Variants in WWOX observed in about 807,000 individuals in gnomAD.
WWOX encodes the protein WW domain-containing oxidoreductase.
Under a neutral mutation model 46.2 loss-of-function variants are expected in WWOX, and 69 were observed. The observed-to-expected ratio is 1.49, with a 90% CI of 1.23 to 1.82. The LOEUF is 1.82. Among genes scored for constraint, WWOX ranks in the 40% most tolerant of loss-of-function variants. The pLI, the probability that WWOX is intolerant of heterozygous loss-of-function variation, is 0.00. For missense variants in WWOX, 919 were observed against 542.6 expected (o/e 1.69, Z -6.89); for synonymous variants, 359 against 202.6 (o/e 1.77, Z -6.56).
At chr16:78,564,671 G>T (rs2044521940) in intron 8 of WWOX, among the ~76,000 whole-genome samples, 1 of 152,010 alleles carries the variant, frequency 6.6e-6, no homozygotes. Context: ...GGCCACTCGG[G>T]AGCTCAAAAA....
In WWOX at chr16:78,743,932, C is replaced by T. The variant is rs145096281; in HGVS notation, c.1056+311180C>T. Among the ~76,000 whole-genome samples the T allele has an allele frequency of 1.9e-3, 283 of 152,208 alleles. 1 individual carries two copies. Among genetic ancestry groups the T allele is most frequent in the African/African-American group, 6.3e-3 (260 of 41,524 alleles). The stretch of plus-strand genomic sequence containing the variant: ...CTTGAGCCTCTATGCTTGGGCTGCT[C>T]CCACCGTTTGGAGTGTACTTTCCTT... On this transcript the variant is annotated intron_variant, in intron 8 of 8. Transcript: ENST00000566780.
chr16:78,245,636 T>A (rs531013326), intron 5 of WWOX, among the ~76,000 whole-genome samples: 34 of 152,354 alleles, frequency 2.2e-4, no homozygotes, highest in African/African-American at 8.2e-4. Context: ...TCTGCCTCAC[T>A]AATGTGCATG....
intron 8 of WWOX, among the ~76,000 whole-genome samples, chr16:78,817,972 A>G (rs1464599310): frequency 3.3e-5 from 5 of 152,160 alleles, no homozygotes; most frequent in Non-Finnish European, 7.3e-5. Context: ...ATTAACACCT[A>G]TGGAAGGGAA....
At chr16:79,115,616 T>A (rs7191299) in intron 8 of WWOX, among the ~76,000 whole-genome samples, 21,711 of 152,126 alleles carry the variant, frequency 0.14, 3,179 homozygotes, top group African/African-American at 0.38. Context: ...AAGATCTAAG[T>A]GTGATATGAG....
chr16:78,626,170 G>C (rs946357108), intron 8 of WWOX, among the ~76,000 whole-genome samples: 3 of 150,184 alleles, frequency 2.0e-5, no homozygotes, highest in Non-Finnish European at 4.4e-5. Context: ...TGGCTCTTTT[G>C]CCCAGGATGG....
At chr16:78,843,756 A>G (rs929587275) in intron 8 of WWOX, among the ~76,000 whole-genome samples, 4 of 152,364 alleles carry the variant, frequency 2.6e-5, no homozygotes, top group South Asian at 2.1e-4. Context: ...TGTTGCATCA[A>G]ATATTTAGCC....
intron 8 of WWOX, among the ~76,000 whole-genome samples, chr16:79,145,563 C>A (rs778720100): frequency 6.6e-6 from 1 of 152,074 alleles, no homozygotes. Flanking sequence ...AGAAACTAGA[C>A]AAGAATATTC....
At chr16:78,182,805 G>A (rs2035571800) in intron 5 of WWOX, among the ~76,000 whole-genome samples, 1 of 151,940 alleles carries the variant, frequency 6.6e-6, no homozygotes, top group Admixed American at 6.6e-5. Context: ...ACAAAAATTA[G>A]CAGGGCATGG....
intron 8 of WWOX, among the ~76,000 whole-genome samples, chr16:79,042,887 A>C (rs928324231): frequency 6.6e-6 from 1 of 152,200 alleles, no homozygotes; most frequent in Non-Finnish European, 1.5e-5. Context: ...GCTTCTATTC[A>C]TGTGTCCCTG....
In WWOX at chr16:78,728,926, G is replaced by C. The variant is rs191435030; in HGVS notation, c.1056+296174G>C. Among the ~76,000 whole-genome samples, 157 of 152,270 alleles carry C rather than the reference G, an allele frequency of 1.0e-3. 1 individual carries two copies. The highest frequency in any genetic ancestry group is 3.7e-3 in the African/African-American group (152 of 41,562). On this transcript the variant is annotated intron_variant, in intron 8 of 8. Transcript: ENST00000566780. The stretch of plus-strand genomic sequence containing the variant: ...ATCACCTAATTTAGTCATTCCAACG[G>C]TGTGGAGAGATAGAGGATTAGGATG...
intron 8 of WWOX, among the ~76,000 whole-genome samples, chr16:79,089,577 G>T (rs924251144): frequency 6.6e-6 from 1 of 152,024 alleles, no homozygotes; most frequent in Non-Finnish European, 1.5e-5. Flanking sequence ...TGATCTGCCC[G>T]CCTCAAAGTC....
Position 78,113,691 on chromosome 16 carries a change from A to G in WWOX, c.231-1285A>G, listed in dbSNP as rs180972211. Among the ~76,000 whole-genome samples the G allele has an allele frequency of 2.2e-3, 329 of 152,320 alleles. 2 individuals carry two copies. The highest frequency in any genetic ancestry group is 7.7e-3 in the African/African-American group (320 of 41,558). On this transcript the variant is annotated intron_variant, in intron 3 of 8. Transcript: ENST00000566780. ...AAATACTTTGGCCATAGCTGATTTC[A>G]TGCTGCCAAGGTGAAGTGAGGAATT...
At position 78,585,687 on chromosome 16, in the gene WWOX, G is replaced by GT. The variant is rs371070766; in HGVS notation, c.1056+152944dup. The stretch of plus-strand genomic sequence containing the variant: ...TGTTTTGTTTTGGGTTTTTTTTTTT[G>GT]TTTTTTTTTGTTTTTTTTGTTTTTT... On this transcript the variant is annotated intron_variant, in intron 8 of 8. Coordinates refer to ENST00000566780, the MANE Select transcript of WWOX (RefSeq NM_016373.4). Among the ~76,000 whole-genome samples, 761 of 140,890 alleles carry GT rather than the reference G, an allele frequency of 5.4e-3. 4 individuals are homozygous for GT. Among genetic ancestry groups the GT allele is most frequent in the African/African-American group, 0.016 (620 of 38,546 alleles). The allele number at this position is 140,890 out of a possible 152,430, so 92.4% of individuals were successfully genotyped here.
At chr16:78,894,352 C>G (rs750704785) in intron 8 of WWOX, among the ~76,000 whole-genome samples, 2 of 152,166 alleles carry the variant, frequency 1.3e-5, no homozygotes, top group Non-Finnish European at 2.9e-5. Flanking sequence ...TCCAGCACAG[C>G]AAAGGATACA....
intron 8 of WWOX, chr16:78,898,652 CCTTGCTGGGAGTTTATTTG>C (rs2044756136): frequency 6.6e-6 from 1 of 152,092 alleles, no homozygotes; most frequent in Non-Finnish European, 1.5e-5. Context: ...TTTTAAAAAG[CCTTGCTGGGAGTTTATTTG>C]CTTTGGTATT....
In WWOX at chr16:78,741,064, A is replaced by G. The variant is rs544052663; in HGVS notation, c.1056+308312A>G. On this transcript the variant is annotated intron_variant, in intron 8 of 8. Transcript: ENST00000566780. ...CAGCAAAGTCCCTGTCCAGCCAGCC[A>G]CTCGTTTTTATCAATAAATTTTTAC... Among the ~76,000 whole-genome samples the G allele has an allele frequency of 3.5e-4, 53 of 152,022 alleles. No homozygotes were observed. The South Asian group carries it at 0.011, about 30-fold the overall frequency.
Position 78,533,654 on chromosome 16 carries a change from T to C in WWOX, c.1056+100902T>C, listed in dbSNP as rs189116506. Among the ~76,000 whole-genome samples, 340 of 152,252 alleles carry C rather than the reference T, an allele frequency of 2.2e-3. 3 individuals carry two copies. Among genetic ancestry groups the C allele is most frequent in the Non-Finnish European group, 3.9e-3 (264 of 68,008 alleles). ...AGAGGCAGACCTGTGATTATTTTGC[T>C]CTTTGAAAGTTGTCCTTCTGCACCC... On this transcript the variant is annotated intron_variant, in intron 8 of 8. Coordinates refer to ENST00000566780, the MANE Select transcript of WWOX (RefSeq NM_016373.4).
At chr16:78,433,662 A>G (rs2083271995) in intron 8 of WWOX, among the ~76,000 whole-genome samples, 1 of 152,172 alleles carries the variant, frequency 6.6e-6, no homozygotes, top group African/African-American at 2.4e-5. Context: ...CAACAAAAGA[A>G]GAACTATTGC....
chr16:79,088,936 AT>A (rs1014438403), intron 8 of WWOX, among the ~76,000 whole-genome samples: 14 of 151,806 alleles, frequency 9.2e-5, no homozygotes, highest in African/African-American at 2.9e-4. Context: ...TTTAAAATCT[AT>A]TTTTTTTGTC....
Sources: gnomAD v4.1 joint callset for allele counts (sites outside exome capture counted in the v4.1 genomes callset) on GRCh38, gnomAD v4.1.1 for gene constraint, MANE v1.5 for transcripts, NCBI Gene and HGNC (gene_info 2026-07-23, HGNC 2026-07-21) for gene names.